The following CDH18 variants were observed in gnomAD, a reference collection of about 807,000 sequenced individuals.
CDH18 encodes cadherin-18.
In CDH18, 31 loss-of-function variants were observed where a neutral mutation model predicts 67.9. That is an observed-to-expected ratio of 0.46 (90% CI 0.34 to 0.62). The LOEUF is 0.62. Ranked by LOEUF, CDH18 falls within the 20% of genes least tolerant of loss-of-function variation. The pLI, the probability that CDH18 is intolerant of heterozygous loss-of-function variation, is 0.01. For missense variants in CDH18, 890 were observed against 975.5 expected, an observed-to-expected ratio of 0.91 and a Z score of 1.17; for synonymous variants, 362 against 347.2, an observed-to-expected ratio of 1.04 and a Z score of -0.48.
intron 2 of CDH18, among the ~76,000 whole-genome samples, chr5:19,840,836 C>A (rs4242066): frequency 0.9 from 136,442 of 152,274 alleles, 61,276 homozygotes; most frequent in Non-Finnish European, 0.92. Flanking sequence ...CATTGATTCA[C>A]GAATATGGCT....
At chr5:20,489,579 CAGTA>C (rs894062624) in intron 1 of CDH18, among the ~76,000 whole-genome samples, 7 of 152,120 alleles carry the variant, frequency 4.6e-5, no homozygotes, top group Non-Finnish European at 8.8e-5. Context: ...ATGTAATTCA[CAGTA>C]AGTTTGTAAT....
intron 2 of CDH18, among the ~76,000 whole-genome samples, chr5:20,019,918 G>A (rs998052373): frequency 4.6e-5 from 7 of 152,194 alleles, no homozygotes; most frequent in African/African-American, 7.2e-5. Flanking sequence ...TTGTTAAATT[G>A]TTTTGACCAA....
At position 20,289,116 on chromosome 5, in the gene CDH18, AT is replaced by A. The variant is rs745891793; in HGVS notation, c.-579-33612del. On this transcript the variant is annotated intron_variant, in intron 1 of 14. Coordinates refer to the CDH18 transcript ENST00000507958. ...ATTAATTAACCTCTTTTCTACTCAT[AT>A]TTACCCATTTTTGGCTAGTCTTTAT... is the stretch of plus-strand genomic sequence containing the variant. Among the ~76,000 whole-genome samples, 157 of 151,976 alleles carry A rather than the reference AT, an allele frequency of 1.0e-3. 2 individuals carry two copies. Among genetic ancestry groups the A allele is most frequent in the Admixed American group, 1.9e-3 (29 of 15,216 alleles).
intron 2 of CDH18, among the ~76,000 whole-genome samples, chr5:19,891,983 T>A (rs183552577): frequency 8.8e-4 from 134 of 152,312 alleles, no homozygotes; most frequent in Non-Finnish European, 1.3e-3. Context: ...TATTTGGCTG[T>A]GTTTCAAGCT....
At chr5:19,694,734 A>G (rs1304000122) in intron 5 of CDH18, among the ~76,000 whole-genome samples, 1 of 151,758 alleles carries the variant, frequency 6.6e-6, no homozygotes, top group Non-Finnish European at 1.5e-5. Context: ...CACTTTGTAA[A>G]AGATAAAAAT....
At chr5:20,046,993 T>G (rs1375902347) in intron 2 of CDH18, among the ~76,000 whole-genome samples, 2 of 151,698 alleles carry the variant, frequency 1.3e-5, no homozygotes, top group Non-Finnish European at 2.9e-5. Context: ...ACCCTAAAAC[T>G]TAAAGTATAA....
chr5:20,541,502 T>C (rs1448815773), intron 1 of CDH18, among the ~76,000 whole-genome samples: 1 of 152,112 alleles, frequency 6.6e-6, no homozygotes. Context: ...CAAAATTACT[T>C]TTAAAATAAT....
At chr5:20,360,087 GTTATATATTATATATAAT>G in intron 1 of CDH18, among the ~76,000 whole-genome samples, 1 of 24,660 alleles carries the variant, frequency 4.1e-5, no homozygotes, top group Admixed American at 4.1e-4. Context: ...TATAATATAT[GTTATATATTATATATAAT>G]TCTATAATAT....
intron 3 of CDH18, among the ~76,000 whole-genome samples, chr5:19,764,695 A>ATG (rs747392905): frequency 1.3e-5 from 2 of 151,592 alleles, no homozygotes; most frequent in South Asian, 2.1e-4. Context: ...ATAACCATAT[A>ATG]TGTGTGTGTG....
rs537380755 is a variant in CDH18 at position 19,880,053 on chromosome 5, A to G, written c.-256-40811T>C. 2.6e-5 allele frequency among the ~76,000 whole-genome samples: 4 copies of G among 152,120 alleles called. No homozygotes were observed. The South Asian group carries it at 8.3e-4, about 31-fold the overall frequency. On this transcript the variant is annotated intron_variant, in intron 2 of 12. Transcript: ENST00000382275. ...CATGCAAACATACATTTGACATTGTAGAAATAATATGTTCCCAGAGTGTAG... is the reference window on the plus strand; with the variant it reads ...CATGCAAACATACATTTGACATTGTGGAAATAATATGTTCCCAGAGTGTAG...
chr5:20,117,996 A>C (rs1376346557), intron 2 of CDH18, among the ~76,000 whole-genome samples: 1 of 152,144 alleles, frequency 6.6e-6, no homozygotes, highest in African/African-American at 2.4e-5. Context: ...GTGGGGGGAG[A>C]GTATGTTAAT....
chr5:19,945,989 T>C (rs1457447823), intron 2 of CDH18, among the ~76,000 whole-genome samples: 3 of 151,936 alleles, frequency 2.0e-5, no homozygotes, highest in Non-Finnish European at 4.4e-5. Context: ...ACCAAATATG[T>C]AATACATCAA....
chr5:20,327,572 C>T (rs1738719813), intron 1 of CDH18, among the ~76,000 whole-genome samples: 2 of 152,090 alleles, frequency 1.3e-5, no homozygotes, highest in South Asian at 4.1e-4. Context: ...CTCAGACACT[C>T]TTCCAGTTCT....
intron 2 of CDH18, among the ~76,000 whole-genome samples, chr5:19,940,993 A>G (rs1794753115): frequency 6.6e-6 from 1 of 152,138 alleles, no homozygotes; most frequent in Non-Finnish European, 1.5e-5. Context: ...AGGGTGAAAG[A>G]AAAGTTCAGA....
At chr5:20,285,932 G>C (rs1213943352) in intron 1 of CDH18, among the ~76,000 whole-genome samples, 2 of 151,444 alleles carry the variant, frequency 1.3e-5, no homozygotes, top group Admixed American at 1.3e-4. Context: ...TTAAAGACCT[G>C]TTCTGCATAT....
chr5:19,946,527 C>T (rs1034376784), intron 2 of CDH18, among the ~76,000 whole-genome samples: 2 of 152,008 alleles, frequency 1.3e-5, no homozygotes, highest in African/African-American at 4.8e-5. Flanking sequence ...CTAAATGAAT[C>T]CGAAGAAAAT....
intron 1 of CDH18, among the ~76,000 whole-genome samples, chr5:20,276,850 C>T (rs1745848533): frequency 1.3e-5 from 2 of 152,034 alleles, no homozygotes; most frequent in African/African-American, 2.4e-5. Flanking sequence ...AGCTCTTGGG[C>T]CTTCAGTAAG....
intron 1 of CDH18, among the ~76,000 whole-genome samples, chr5:20,358,932 C>CT (rs66786530): frequency 0.13 from 16,132 of 128,096 alleles, 1,649 homozygotes; most frequent in African/African-American, 0.27. Context: ...TTTTTTCTTT[C>CT]TTTTTTTTTT....
In CDH18 at chr5:19,919,229, C is replaced by T. The variant is rs147981776; in HGVS notation, c.-257+61831G>A. ...ACCCAGCCAGGCCTGCCCTGTGTCC[C>T]TCTTCATCTGGCTGTTCATTTGTAT... On this transcript the variant is annotated intron_variant, in intron 2 of 12. Coordinates refer to ENST00000382275, the MANE Select transcript of CDH18 (RefSeq NM_004934.5). Among the ~76,000 whole-genome samples, 625 of 150,994 alleles carry T rather than the reference C, an allele frequency of 4.1e-3. 1 individual carries two copies. The highest frequency in any genetic ancestry group is 6.9e-3 in the Non-Finnish European group (471 of 68,026).
Sources: allele counts gnomAD v4.1 joint callset (sites outside exome capture counted in the v4.1 genomes callset), GRCh38; gene constraint gnomAD v4.1.1; transcripts MANE v1.5; gene names NCBI Gene and HGNC (gene_info 2026-07-23, HGNC 2026-07-21).